YPEL2: variants seen among roughly 807,000 people sequenced by gnomAD.
YPEL2 encodes the protein protein yippee-like 2.
A neutral mutation model predicts 19.1 loss-of-function variants in YPEL2; 2 were observed. That is an observed-to-expected ratio of 0.10 (90% CI 0.04 to 0.33). The LOEUF is 0.33. YPEL2 is among the 10% of genes least tolerant of loss of function. YPEL2 has a pLI of 1.00. For synonymous variants in YPEL2, 52 were observed against 50.0 expected (o/e 1.04, Z -0.17); for missense variants, 66 against 140.7 (o/e 0.47, Z 2.68).
At chr17:59,350,143 G>T (rs914893151) in intron 1 of YPEL2, among the ~76,000 whole-genome samples, 1 of 151,428 alleles carries the variant, frequency 6.6e-6, no homozygotes, top group African/African-American at 2.4e-5. Flanking sequence ...TGAACACTGT[G>T]CACTGCAGTC....
At chr17:59,333,467 G>T (rs960904542) in intron 1 of YPEL2, among the ~76,000 whole-genome samples, 6 of 152,208 alleles carry the variant, frequency 3.9e-5, no homozygotes, top group African/African-American at 1.4e-4. Flanking sequence ...CACCATGCGC[G>T]AGAAAACTGT....
chr17:59,339,111 C>T (rs1454146044), intron 1 of YPEL2, among the ~76,000 whole-genome samples: 1 of 146,348 alleles, frequency 6.8e-6, no homozygotes, highest in Non-Finnish European at 1.5e-5. Flanking sequence ...CGCCCCCCAC[C>T]CCCACCCCCA....
At chr17:59,376,888 G>A (rs1440055813) in intron 2 of YPEL2, among the ~76,000 whole-genome samples, 1 of 136,052 alleles carries the variant, frequency 7.4e-6, no homozygotes, top group East Asian at 2.3e-4. Context: ...GGCAGAAGTT[G>A]CAGTGAGCAG....
At chr17:59,372,910 G>A (rs1212427298) in intron 2 of YPEL2, among the ~76,000 whole-genome samples, 1 of 152,238 alleles carries the variant, frequency 6.6e-6, no homozygotes, top group South Asian at 2.1e-4. Context: ...CATGGGCTCT[G>A]TTGCCCAGTC....
chr17:59,358,111 A>G (rs73325110), intron 2 of YPEL2, among the ~76,000 whole-genome samples: 4,739 of 152,252 alleles, frequency 0.031, 249 homozygotes, highest in African/African-American at 0.11. Flanking sequence ...AGTGATCAGA[A>G]TGAGATCACA....
chr17:59,385,789 C>G (rs896485202), intron 2 of YPEL2, among the ~76,000 whole-genome samples: 1 of 151,946 alleles, frequency 6.6e-6, no homozygotes, highest in African/African-American at 2.4e-5. Context: ...AAATATACAC[C>G]GTTTATTATG....
intron 1 of YPEL2, among the ~76,000 whole-genome samples, chr17:59,351,316 C>T (rs1406885960): frequency 2.6e-5 from 4 of 151,896 alleles, no homozygotes; most frequent in African/African-American, 4.8e-5. Flanking sequence ...CGGAGGTTGC[C>T]GTGAGCCGAG....
intron 2 of YPEL2, among the ~76,000 whole-genome samples, chr17:59,364,851 C>T (rs571117798): frequency 1.6e-4 from 24 of 152,234 alleles, no homozygotes; most frequent in African/African-American, 5.1e-4. Context: ...AGGCTGATCT[C>T]GAACTCCTGA....
At chr17:59,385,707 AGTTTAATCTTTATTGTG>A (rs1481973450) in intron 2 of YPEL2, among the ~76,000 whole-genome samples, 2 of 152,206 alleles carry the variant, frequency 1.3e-5, no homozygotes, top group Non-Finnish European at 2.9e-5. Flanking sequence ...TGTCATGGGT[AGTTTAATCTTTATTGTG>A]GTGATGTTTT....
At chr17:59,380,517 T>C (rs1000389517) in intron 2 of YPEL2, among the ~76,000 whole-genome samples, 1 of 152,020 alleles carries the variant, frequency 6.6e-6, no homozygotes, top group Non-Finnish European at 1.5e-5. Context: ...TGATCTGCCC[T>C]CCTTGGCCTC....
rs1457793880 is a variant in YPEL2, at chr17:59,399,177, GTTT to G, written c.*1991_*1993del. 3 of 152,564 alleles carry G rather than the reference GTTT, an allele frequency of 2.0e-5. No individual in the cohort carries two copies. The highest frequency in any genetic ancestry group is 4.4e-5 in the Non-Finnish European group (3 of 68,030). The allele number at this position is 152,564 out of a possible 1,614,324, so 9.5% of individuals were successfully genotyped here. On this transcript the variant is annotated 3_prime_UTR_variant, in exon 5 of 5. Transcript: ENST00000312655. ...ACAGGCCCAAGTTCTCAATGAAATC[GTTT>G]TTTAACTTTCACATTCCTAAGCTGG...
At chr17:59,389,090 T>G (rs879297062) in intron 3 of YPEL2, 3 of 479,724 alleles carry the variant, frequency 6.3e-6, no homozygotes, top group Non-Finnish European at 1.1e-5. Context: ...ATTTAAAGTA[T>G]TTGTTAGAAA....
intron 4 of YPEL2, among the ~76,000 whole-genome samples, chr17:59,392,759 G>A (rs553690714): frequency 2.6e-5 from 4 of 151,890 alleles, no homozygotes; most frequent in African/African-American, 4.8e-5. Flanking sequence ...TGATCTGCCC[G>A]CCTCAGCCTT....
chr17:59,332,044 G>A (rs927400337), intron 1 of YPEL2, among the ~76,000 whole-genome samples: 11 of 151,910 alleles, frequency 7.2e-5, no homozygotes, highest in Non-Finnish European at 4.4e-5. Flanking sequence ...AAACACTGCC[G>A]GGCCCGCGGC....
At position 59,378,524 on chromosome 17, in the gene YPEL2, C is replaced by T. The variant is rs1359408005; in HGVS notation, c.118-9803C>T. On this transcript the variant is annotated intron_variant, in intron 2 of 4. Transcript: ENST00000312655. ...CACGCCCAGCTAATTTTGGTAGAGA[C>T]GGAGTTTCACCATGTTGGCCAGGCT... is the stretch of plus-strand genomic sequence containing the variant. 7.2e-5 allele frequency among the ~76,000 whole-genome samples: 11 copies of T among 151,984 alleles called. No individual in the cohort carries two copies. In the East Asian group the frequency reaches 1.7e-3, roughly 24 times the overall value.
At chr17:59,388,403 G>A (rs1337872869) in intron 3 of YPEL2, 33 bp downstream of exon 3, 1 of 1,609,464 alleles carries the variant, frequency 6.2e-7, no homozygotes, top group African/African-American at 1.3e-5. Context: ...TTCCTTGTGG[G>A]GTACAGATTC....
At chr17:59,371,481 G>A (rs552570269) in intron 2 of YPEL2, among the ~76,000 whole-genome samples, 3 of 152,230 alleles carry the variant, frequency 2.0e-5, no homozygotes, top group African/African-American at 2.4e-5. Flanking sequence ...CTGAAAGTTT[G>A]TAAGTGTTGA....
chr17:59,393,478 A>C (rs1256231677), intron 4 of YPEL2, among the ~76,000 whole-genome samples: 1 of 145,234 alleles, frequency 6.9e-6, no homozygotes, highest in East Asian at 2.0e-4. Context: ...CTTTTTTTTT[A>C]TTTTTATTTT....
rs2047796027 is a variant in YPEL2, at chr17:59,353,237, C to T, written c.-173C>T. Reference sequence around the variant, plus strand: ...CAGGCTGCTGAGAACTAGCCCTAGACCTCTGCGTGAGGGTTCTTCTGCCGA... The same window carrying T: ...CAGGCTGCTGAGAACTAGCCCTAGATCTCTGCGTGAGGGTTCTTCTGCCGA... On this transcript the variant is annotated 5_prime_UTR_variant, in exon 2 of 5. Coordinates refer to ENST00000312655, the MANE Select transcript of YPEL2 (RefSeq NM_001005404.4). This position sits in a 1 kb window ranked among gnomAD's most constrained non-coding sequence, Gnocchi z 4.8. 8.7e-6 allele frequency: 5 copies of T among 574,036 alleles called. No homozygotes were observed. The highest frequency in any genetic ancestry group is 1.6e-5 in the Non-Finnish European group (5 of 322,010). 35.6% of individuals were successfully genotyped at this position (574,036 alleles called of 1,614,324 possible). A position where few individuals can be genotyped will look rare whatever the true frequency, so the allele number is the denominator to read the frequency against.
Sources: gnomAD v4.1 joint callset for allele counts (sites outside exome capture counted in the v4.1 genomes callset) on GRCh38, gnomAD v4.1.1 for gene constraint, Gnocchi (gnomAD v3.1) non-coding constraint, MANE v1.5 for transcripts, NCBI Gene and HGNC (gene_info 2026-07-23, HGNC 2026-07-21) for gene names.